Variants in SRD5A2 observed in about 807,000 individuals in gnomAD.
The protein encoded by SRD5A2 is 3-oxo-5-alpha-steroid 4-dehydrogenase 2.
In SRD5A2, 30 loss-of-function variants were observed where a neutral mutation model predicts 27.4. The ratio of observed to expected loss-of-function variants is 1.10; its 90% CI spans 0.82 to 1.49. The LOEUF (loss-of-function observed/expected upper bound fraction) is 1.49. Ranked by LOEUF, SRD5A2 falls within the 40% of genes most tolerant of loss-of-function variation. SRD5A2 has a pLI of 0.00. For missense variants in SRD5A2, 348 were observed against 323.4 expected, an observed-to-expected ratio of 1.08 and a Z score of -0.58; for synonymous variants, 141 against 133.6, an observed-to-expected ratio of 1.06 and a Z score of -0.38.
At chr2:31,660,519 T>G in the SRD5A2 span, among the ~76,000 whole-genome samples, 1 of 152,048 alleles carries the variant, frequency 6.6e-6, no homozygotes, top group Non-Finnish European at 1.5e-5. Flanking sequence ...AGTAAACTTA[T>G]GGACTTCGGG....
the SRD5A2 span, among the ~76,000 whole-genome samples, chr2:31,638,064 T>C: frequency 1.3e-5 from 2 of 152,116 alleles, no homozygotes; most frequent in Non-Finnish European, 2.9e-5. Flanking sequence ...TAAGCATTTA[T>C]TGCCATAAAC....
chr2:31,574,985 C>G (rs561418326), intron 1 of SRD5A2, among the ~76,000 whole-genome samples: 2 of 152,186 alleles, frequency 1.3e-5, no homozygotes, highest in South Asian at 4.1e-4. Context: ...CATGACCTGG[C>G]TTTTTACAGA....
chr2:31,659,151 T>G, the SRD5A2 span, among the ~76,000 whole-genome samples: 1 of 152,064 alleles, frequency 6.6e-6, no homozygotes, highest in Non-Finnish European at 1.5e-5. Context: ...TTGAAAACAC[T>G]GAACAAACTA....
chr2:31,646,996 T>C, the SRD5A2 span, among the ~76,000 whole-genome samples: 5 of 151,886 alleles, frequency 3.3e-5, no homozygotes, highest in African/African-American at 1.2e-4. Flanking sequence ...AATACAAAAA[T>C]TAGTGAGACG....
the SRD5A2 span, among the ~76,000 whole-genome samples, chr2:31,609,961 A>G: frequency 6.6e-6 from 1 of 152,148 alleles, no homozygotes; most frequent in Non-Finnish European, 1.5e-5. Context: ...ACCTGCCAAG[A>G]CTGAATCAGG....
At chr2:31,609,586 C>A in the SRD5A2 span, among the ~76,000 whole-genome samples, 1 of 152,016 alleles carries the variant, frequency 6.6e-6, no homozygotes, top group African/African-American at 2.4e-5. Context: ...TAAAATAGGA[C>A]CCTTATTTCA....
chr2:31,652,484 C>T, the SRD5A2 span, among the ~76,000 whole-genome samples: 221 of 151,732 alleles, frequency 1.5e-3, no homozygotes, highest in African/African-American at 5.2e-3. Context: ...AAATTAAGGC[C>T]CAGCACTCCA....
chr2:31,571,469 T>G (rs1666847964), intron 1 of SRD5A2, among the ~76,000 whole-genome samples: 1 of 152,062 alleles, frequency 6.6e-6, no homozygotes, highest in African/African-American at 2.4e-5. Context: ...GGCAAAGACC[T>G]CATGACAAAG....
chr2:31,616,046 C>A, the SRD5A2 span, among the ~76,000 whole-genome samples: 1 of 152,110 alleles, frequency 6.6e-6, no homozygotes, highest in African/African-American at 2.4e-5. Flanking sequence ...GCACCTAAAT[C>A]TCAGAGGATG....
chr2:31,569,199 A>G (rs1666800723), intron 1 of SRD5A2, among the ~76,000 whole-genome samples: 1 of 152,122 alleles, frequency 6.6e-6, no homozygotes, highest in Non-Finnish European at 1.5e-5. Context: ...CACTGCAGCC[A>G]CTCCAGTCAG....
chr2:31,640,630 T>C, the SRD5A2 span, among the ~76,000 whole-genome samples: 7 of 152,264 alleles, frequency 4.6e-5, no homozygotes, highest in Non-Finnish European at 1.0e-4. Flanking sequence ...AAAGGGATTA[T>C]CTGGCAGTGT....
rs1042599255 is a variant in SRD5A2, at chr2:31,529,515, C to T, written c.548-58G>A. ...GCAACTGAATCATTTTGACATTAAA[C>T]CCATCTGTGTTGTTCCAAAATACAC... On this transcript the variant is annotated intron_variant, in intron 3 of 4. Coordinates refer to ENST00000622030, the MANE Select transcript of SRD5A2 (RefSeq NM_000348.4). The T allele has an allele frequency of 2.5e-6, 4 of 1,594,134 alleles. No homozygotes were observed. The African/African-American group carries it at 4.0e-5, about 16-fold the overall frequency.
intron 4 of SRD5A2, among the ~76,000 whole-genome samples, chr2:31,528,448 G>T (rs942607934): frequency 5.9e-5 from 9 of 152,158 alleles, no homozygotes; most frequent in African/African-American, 2.2e-4. Flanking sequence ...CTTTTTCCCA[G>T]TGGTTCTCTA....
the SRD5A2 span, among the ~76,000 whole-genome samples, chr2:31,610,233 G>T: frequency 6.6e-6 from 1 of 151,950 alleles, no homozygotes; most frequent in Non-Finnish European, 1.5e-5. Context: ...AAAACTACAG[G>T]CCAATATACT....
the SRD5A2 span, among the ~76,000 whole-genome samples, chr2:31,607,211 A>G: frequency 4.9e-4 from 75 of 152,128 alleles, 1 homozygote; most frequent in East Asian, 0.014. Flanking sequence ...AAGGAGAAGA[A>G]AGACCAATTA....
the SRD5A2 span, among the ~76,000 whole-genome samples, chr2:31,660,229 CA>C: frequency 6.6e-6 from 1 of 151,906 alleles, no homozygotes; most frequent in Non-Finnish European, 1.5e-5. Context: ...ATCAGATTGG[CA>C]AAAGTTCAGG....
At chr2:31,640,609 A>G in the SRD5A2 span, among the ~76,000 whole-genome samples, 1 of 152,160 alleles carries the variant, frequency 6.6e-6, no homozygotes, top group Non-Finnish European at 1.5e-5. Context: ...TGTTCCAAAT[A>G]GGGGAGATCC....
At chr2:31,573,251 T>A (rs968582112) in intron 1 of SRD5A2, among the ~76,000 whole-genome samples, 3 of 152,192 alleles carry the variant, frequency 2.0e-5, no homozygotes, top group Non-Finnish European at 4.4e-5. Context: ...GCAAAGAACA[T>A]AATATAATGC....
the SRD5A2 span, among the ~76,000 whole-genome samples, chr2:31,629,868 C>G: frequency 6.6e-6 from 1 of 152,154 alleles, no homozygotes; most frequent in African/African-American, 2.4e-5. Flanking sequence ...CTCCTAGGTA[C>G]CAATGGTTCA....
Sources: gnomAD v4.1 joint callset for allele counts (sites outside exome capture counted in the v4.1 genomes callset) on GRCh38, gnomAD v4.1.1 for gene constraint, MANE v1.5 for transcripts, NCBI Gene and HGNC (gene_info 2026-07-23, HGNC 2026-07-21) for gene names.